ZNF69: variants seen among roughly 807,000 people sequenced by gnomAD.
ZNF69 encodes ZNF3.
Under a neutral mutation model 50.9 loss-of-function variants are expected in ZNF69, and 47 were observed. The observed-to-expected ratio is 0.92, with a 90% CI of 0.73 to 1.18. ZNF69 has a LOEUF of 1.18. Ranked by LOEUF, ZNF69 falls within the 50% of genes most tolerant of loss-of-function variation. ZNF69 has a pLI of 0.00. For synonymous variants in ZNF69, 216 were observed against 223.1 expected (o/e 0.97, Z 0.29); for missense variants, 717 against 675.1 (o/e 1.06, Z -0.69).
the ZNF69 span, among the ~76,000 whole-genome samples, chr19:11,929,616 TTAGG>T: frequency 6.7e-6 from 1 of 148,310 alleles, no homozygotes; most frequent in East Asian, 1.9e-4. Flanking sequence ...TTCAGGGTCC[TTAGG>T]TAGGACCTTA....
intron 1 of ZNF69, among the ~76,000 whole-genome samples, chr19:11,896,654 T>C (rs955098096): frequency 1.3e-5 from 2 of 152,176 alleles, no homozygotes; most frequent in African/African-American, 4.8e-5. Flanking sequence ...CTAATTACTT[T>C]TCAGAGATGT....
chr19:11,956,468 G>T, the ZNF69 span: 1 of 397,718 alleles, frequency 2.5e-6, no homozygotes, highest in East Asian at 3.6e-5. Context: ...GATTTTGCCG[G>T]ATTCTTCAAA....
the ZNF69 span, among the ~76,000 whole-genome samples, chr19:11,926,282 G>A: frequency 6.6e-6 from 1 of 152,186 alleles, no homozygotes; most frequent in Non-Finnish European, 1.5e-5. Flanking sequence ...GTGGGAGAGG[G>A]TATAAGGAGA....
chr19:11,918,006 G>T (rs1230958373), downstream of ZNF69, among the ~76,000 whole-genome samples: 1 of 151,956 alleles, frequency 6.6e-6, no homozygotes. Flanking sequence ...GGCTGGTCTC[G>T]AACTCCTGAC....
the ZNF69 span, chr19:11,948,756 C>T: frequency 4.3e-5 from 69 of 1,611,830 alleles, no homozygotes; most frequent in Non-Finnish European, 5.3e-5. Context: ...AAAGAACTCA[C>T]ACTGGAGAGA....
At position 11,906,074 on chromosome 19, in the gene ZNF69, T is replaced by G. The variant is rs111673228; in HGVS notation, c.1677T>G (p.Asp559Glu). ...LRMHGRTHPE[D>E]KPYECKQ The stretch of plus-strand genomic sequence containing the variant: ...TGCATGGTAGGACTCACCCTGAAGA[T>G]AAACCCTATGAGTGTAAGCAATGAG... The change falls in exon 4 of 4, where the codon GAT (aspartate) becomes GAG (glutamate). Residue 559 changes from aspartate to glutamate, a missense_variant. Physicochemically the swap from Asp to Glu is conservative, Grantham distance 45. Coordinates refer to ENST00000429654, the MANE Select transcript of ZNF69 (RefSeq NM_001364730.1). 6.2e-7 allele frequency: 1 copy of G among 1,611,764 alleles called. No individual in the cohort carries two copies. The highest frequency in any genetic ancestry group is 8.5e-7 in the Non-Finnish European group (1 of 1,179,190).
chr19:11,962,061 C>T, the ZNF69 span, among the ~76,000 whole-genome samples: 1 of 152,306 alleles, frequency 6.6e-6, no homozygotes, highest in African/African-American at 2.4e-5. Flanking sequence ...AGCGATCTAT[C>T]TGCCTTGGCC....
At chr19:11,923,996 C>G in the ZNF69 span, among the ~76,000 whole-genome samples, 3 of 152,118 alleles carry the variant, frequency 2.0e-5, no homozygotes, top group South Asian at 4.1e-4. Context: ...GCTGCAGAGC[C>G]CTGGAAAGCA....
At chr19:11,936,376 C>A in the ZNF69 span, among the ~76,000 whole-genome samples, 1 of 152,176 alleles carries the variant, frequency 6.6e-6, no homozygotes, top group East Asian at 1.9e-4. Context: ...TAATGATTGC[C>A]ATTCTAACTG....
chr19:11,913,154 G>A lies in ZNF69; in HGVS notation c.449-255G>A, dbSNP rs529580760. On this transcript the variant is annotated intron_variant, in intron 4 of 4. Transcript: ENST00000340180. Reference sequence around the variant, plus strand: ...AGAGCTTGCAGTGAGCCAAGATTGCGCCACTGCACTCCAGTCTGGGCGACA... The same window carrying A: ...AGAGCTTGCAGTGAGCCAAGATTGCACCACTGCACTCCAGTCTGGGCGACA... 1.2e-4 allele frequency among the ~76,000 whole-genome samples: 18 copies of A among 151,702 alleles called. No individual in the cohort carries two copies. In the East Asian group the frequency reaches 1.6e-3, roughly 13 times the overall value.
chr19:11,948,902 A>G, the ZNF69 span: 1 of 1,604,042 alleles, frequency 6.2e-7, no homozygotes, highest in Non-Finnish European at 8.5e-7. Flanking sequence ...TCTAGTTCCT[A>G]TCATAGACAT....
chr19:11,898,707 A>C (rs1008981836), intron 1 of ZNF69, among the ~76,000 whole-genome samples: 10 of 152,072 alleles, frequency 6.6e-5, no homozygotes, highest in African/African-American at 2.4e-4. Context: ...ACTGTTTTAA[A>C]CATCTTGACT....
At chr19:11,904,115 T>C in intron 3 of ZNF69, 150 bp downstream of exon 3, 1 of 1,098,856 alleles carries the variant, frequency 9.1e-7, no homozygotes, top group Non-Finnish European at 1.3e-6. Flanking sequence ...AAATGTGACC[T>C]AGGCTGTGGG....
chr19:11,972,961 G>T, the ZNF69 span, among the ~76,000 whole-genome samples: 1 of 151,958 alleles, frequency 6.6e-6, no homozygotes, highest in Non-Finnish European at 1.5e-5. Context: ...CATATTGACT[G>T]TGTGTAGTAT....
chr19:11,968,854 A>G, the ZNF69 span, among the ~76,000 whole-genome samples: 6 of 152,146 alleles, frequency 3.9e-5, no homozygotes, highest in Non-Finnish European at 5.9e-5. Context: ...CCCCATCTCA[A>G]TTGTGAAAAA....
chr19:11,978,199 T>C, the ZNF69 span: 1 of 1,613,640 alleles, frequency 6.2e-7, no homozygotes, highest in East Asian at 2.2e-5. Flanking sequence ...GATGACAGGC[T>C]GAACTTCCAG....
At chr19:11,967,390 C>T in the ZNF69 span, among the ~76,000 whole-genome samples, 1 of 152,088 alleles carries the variant, frequency 6.6e-6, no homozygotes, top group African/African-American at 2.4e-5. Flanking sequence ...CTGGCTAACA[C>T]AGCAAGACCC....
chr19:11,925,293 T>G, the ZNF69 span: 1 of 1,610,350 alleles, frequency 6.2e-7, no homozygotes, highest in Non-Finnish European at 8.5e-7. Flanking sequence ...CGGGACCAGA[T>G]GTCGTGAGAC....
the ZNF69 span, chr19:11,949,132 G>T: frequency 1.9e-5 from 31 of 1,612,218 alleles, no homozygotes; most frequent in South Asian, 3.1e-4. Context: ...ATGTGGGAAA[G>T]GCTTTTATTC....
Sources: allele counts gnomAD v4.1 joint callset (sites outside exome capture counted in the v4.1 genomes callset), GRCh38; gene constraint gnomAD v4.1.1; transcripts MANE v1.5; gene names NCBI Gene and HGNC (gene_info 2026-07-23, HGNC 2026-07-21).